SLC36A4: variants seen among roughly 807,000 people sequenced by gnomAD.
The protein encoded by SLC36A4 is solute carrier family 36 member 4.
A neutral mutation model predicts 50.5 loss-of-function variants in SLC36A4; 49 were observed. That is an observed-to-expected ratio of 0.97 (90% CI 0.77 to 1.23). The LOEUF (loss-of-function observed/expected upper bound fraction) is 1.23, where lower values mean the gene tolerates loss of function less well. Ranked by LOEUF, SLC36A4 falls within the 50% of genes most tolerant of loss-of-function variation. SLC36A4 has a pLI of 0.00. For missense variants in SLC36A4, 611 were observed against 608.4 expected (o/e 1.00, Z -0.05); for synonymous variants, 207 against 206.5 (o/e 1.00, Z -0.02).
intron 4 of SLC36A4, 98 bp from the exon 5 acceptor site, chr11:93,181,884 A>G (rs956515034): frequency 9.5e-7 from 1 of 1,055,070 alleles, no homozygotes; most frequent in Non-Finnish European, 1.3e-6. Flanking sequence ...ATGGGAATTA[A>G]TAAATGCAAG....
intron 3 of SLC36A4, among the ~76,000 whole-genome samples, chr11:93,183,978 A>G (rs10765593): frequency 0.51 from 77,034 of 151,958 alleles, 20,143 homozygotes; most frequent in East Asian, 0.75. Context: ...GATTACAGGC[A>G]TGGGCTACCG....
intron 4 of SLC36A4, 99 bp from the exon 5 acceptor site, chr11:93,181,885 T>C: frequency 9.7e-7 from 1 of 1,033,152 alleles, no homozygotes; most frequent in South Asian, 2.4e-5. Context: ...TGGGAATTAA[T>C]AAATGCAAGG....
At chr11:93,171,483 C>T (rs1861131377) in intron 6 of SLC36A4, 2 of 152,058 alleles carry the variant, frequency 1.3e-5, no homozygotes, top group Admixed American at 1.3e-4. Flanking sequence ...GGGCACACTA[C>T]TCATGTTTTG....
chr11:93,178,649 T>C (rs1861599826), intron 6 of SLC36A4, among the ~76,000 whole-genome samples: 2 of 152,214 alleles, frequency 1.3e-5, no homozygotes, highest in Admixed American at 6.5e-5. Flanking sequence ...ATTAATCTTG[T>C]ATCCAGAAAC....
At chr11:93,168,313 A>T (rs977907688) in intron 6 of SLC36A4, 142 bp from the exon 7 acceptor site, 1 of 460,646 alleles carries the variant, frequency 2.2e-6, no homozygotes, top group African/African-American at 2.0e-5. Flanking sequence ...TTACATTTAC[A>T]TTTTTTCAAG....
chr11:93,158,762 T>C (rs2134640883), intron 9 of SLC36A4, among the ~76,000 whole-genome samples: 1 of 152,242 alleles, frequency 6.6e-6, no homozygotes, highest in Admixed American at 6.5e-5. Flanking sequence ...TTAAGCAGCA[T>C]CTATTGTAAG....
At chr11:93,197,669 G>T in intron 1 of SLC36A4, 109 bp downstream of exon 1, 1 of 1,196,030 alleles carries the variant, frequency 8.4e-7, no homozygotes, top group Non-Finnish European at 1.2e-6. Context: ...TAGCAATCGG[G>T]CCTCAACTCA....
intron 4 of SLC36A4, chr11:93,182,426 G>C (rs1284345949): frequency 6.0e-6 from 1 of 167,016 alleles, no homozygotes; most frequent in Non-Finnish European, 1.2e-5. Flanking sequence ...TTGTGTTGTT[G>C]ACTATCTACT....
At chr11:93,175,608 C>A (rs1861425291) in intron 6 of SLC36A4, among the ~76,000 whole-genome samples, 1 of 93,560 alleles carries the variant, frequency 1.1e-5, no homozygotes, top group Non-Finnish European at 2.8e-5. Context: ...TCCCTCTACA[C>A]ACTGCTTTGA....
intron 2 of SLC36A4, chr11:93,185,488 G>A (rs1023770871): frequency 3.1e-5 from 12 of 381,240 alleles, no homozygotes; most frequent in African/African-American, 8.3e-5. Flanking sequence ...CATTTGTTAC[G>A]CATCATCACT....
intron 1 of SLC36A4, among the ~76,000 whole-genome samples, chr11:93,192,812 G>A (rs918133661): frequency 2.0e-5 from 3 of 152,160 alleles, no homozygotes; most frequent in Non-Finnish European, 4.4e-5. Flanking sequence ...TTGGGCCTTG[G>A]AGTGATATCA....
chr11:93,194,416 G>C (rs1261672694), intron 1 of SLC36A4, among the ~76,000 whole-genome samples: 10 of 151,898 alleles, frequency 6.6e-5, no homozygotes, highest in Admixed American at 6.6e-4. Flanking sequence ...TTACTATTTT[G>C]TTCATTTCTG....
Position 93,162,853 on chromosome 11 carries a change from A to G in SLC36A4, c.890T>C (p.Met297Thr). ...IGVVLPLENQMKESKRFPQAL... is the reference protein window; with the variant it reads ...IGVVLPLENQTKESKRFPQAL... ...TTGAGGGAAACGCTTTGATTCTTTC[A>G]TTTGGTTTTCCAGTGGAAGGACCTA... is the stretch of plus-strand genomic sequence containing the variant. The change falls in exon 9 of 11, where the codon ATG becomes ACG. Residue 297 changes from methionine to threonine, a missense_variant. Coordinates refer to ENST00000326402, the MANE Select transcript of SLC36A4 (RefSeq NM_152313.4). 1.9e-6 allele frequency: 3 copies of G among 1,612,642 alleles called. No homozygotes were observed. The highest frequency in any genetic ancestry group is 2.5e-6 in the Non-Finnish European group (3 of 1,179,626).
At chr11:93,170,883 T>G (rs1861103921) in intron 6 of SLC36A4, among the ~76,000 whole-genome samples, 1 of 152,084 alleles carries the variant, frequency 6.6e-6, no homozygotes, top group African/African-American at 2.4e-5. Flanking sequence ...GTGTGGCAAC[T>G]AAACCCTTAA....
Position 93,148,548 on chromosome 11 carries a change from C to T in SLC36A4, c.1504G>A (p.Gly502Ser). The T allele has an allele frequency of 6.2e-7, 1 of 1,606,676 alleles. No individual in the cohort carries two copies. The highest frequency in any genetic ancestry group is 8.5e-7 in the Non-Finnish European group (1 of 1,177,886). Residue 502 changes from glycine to serine, a missense_variant, in exon 11 of 11, where the codon GGT becomes AGT. Physicochemically the swap from Gly to Ser is moderately conservative, Grantham distance 56 (BLOSUM62 0). Coordinates refer to ENST00000326402, the MANE Select transcript of SLC36A4 (RefSeq NM_152313.4). ...TGATTCTGCTTTTACTATTTCAAACCAGATGTTAAGCATGTTGAATTCAAA... is the reference window on the plus strand; with the variant it reads ...TGATTCTGCTTTTACTATTTCAAACTAGATGTTAAGCATGTTGAATTCAAA... ...LNLNSTCLTSGLK is the reference protein window; with the variant it reads ...LNLNSTCLTSSLK
chr11:93,174,772 C>T (rs1270006285), intron 6 of SLC36A4, among the ~76,000 whole-genome samples: 2 of 145,794 alleles, frequency 1.4e-5, no homozygotes, highest in African/African-American at 5.1e-5. Flanking sequence ...ATATATTGAA[C>T]CAGCCTTGCA....
chr11:93,196,925 C>T (rs1319710811), intron 1 of SLC36A4, among the ~76,000 whole-genome samples: 1 of 152,228 alleles, frequency 6.6e-6, no homozygotes, highest in Admixed American at 6.5e-5. Flanking sequence ...ACACAGTAAG[C>T]ACGCAATAAA....
chr11:93,186,906 G>A (rs192674873), intron 1 of SLC36A4, among the ~76,000 whole-genome samples: 1 of 152,168 alleles, frequency 6.6e-6, no homozygotes, highest in East Asian at 1.9e-4. Flanking sequence ...GTAAGTCTGG[G>A]GTGGGCCTGA....
At chr11:93,187,602 G>A (rs1366433027) in intron 1 of SLC36A4, among the ~76,000 whole-genome samples, 1 of 151,934 alleles carries the variant, frequency 6.6e-6, no homozygotes, top group Admixed American at 6.6e-5. Flanking sequence ...CTTACATCTT[G>A]TAATTTATTT....
Sources: allele counts gnomAD v4.1 joint callset (sites outside exome capture counted in the v4.1 genomes callset), GRCh38; gene constraint gnomAD v4.1.1; transcripts MANE v1.5; gene names NCBI Gene and HGNC (gene_info 2026-07-23, HGNC 2026-07-21).